The following FXR1 variants were observed in gnomAD, a reference collection of about 807,000 sequenced individuals.
FXR1 encodes RNA-binding protein FXR1.
FXR1 carries 15 observed loss-of-function variants against 84.0 expected under a neutral mutation model. The ratio of observed to expected loss-of-function variants is 0.18; its 90% CI spans 0.12 to 0.27. The LOEUF (loss-of-function observed/expected upper bound fraction) is 0.27. Ranked by LOEUF, FXR1 falls within the 10% of genes least tolerant of loss-of-function variation. The pLI, the probability that FXR1 is intolerant of heterozygous loss-of-function variation, is 1.00. For synonymous variants in FXR1, 245 were observed against 250.7 expected, an observed-to-expected ratio of 0.98 and a Z score of 0.21; for missense variants, 480 against 774.4, an observed-to-expected ratio of 0.62 and a Z score of 4.51.
intron 1 of FXR1, among the ~76,000 whole-genome samples, chr3:180,924,694 G>A (rs1356413961): frequency 6.6e-6 from 1 of 151,846 alleles, no homozygotes; most frequent in East Asian, 2.0e-4. Flanking sequence ...GTTTCACCAT[G>A]TTGGCCAGGT....
At chr3:180,925,818 A>G (rs1719107624) in intron 1 of FXR1, among the ~76,000 whole-genome samples, 2 of 152,206 alleles carry the variant, frequency 1.3e-5, no homozygotes, top group South Asian at 2.1e-4. Flanking sequence ...TTCTTGGGGA[A>G]GAAAAAACCC....
intron 2 of FXR1, among the ~76,000 whole-genome samples, chr3:180,934,140 A>G (rs2108445126): frequency 6.6e-6 from 1 of 152,296 alleles, no homozygotes; most frequent in South Asian, 2.1e-4. Context: ...ATTGATGGTC[A>G]GAAAAAAACT....
chr3:180,965,260 T>G (rs185176625), intron 13 of FXR1, among the ~76,000 whole-genome samples: 2 of 152,124 alleles, frequency 1.3e-5, no homozygotes, highest in Non-Finnish European at 2.9e-5. Context: ...AGGTGATCTG[T>G]CTACCTCGCC....
intron 1 of FXR1, among the ~76,000 whole-genome samples, chr3:180,931,037 A>AAAAAAAAAAAAAAAAG (rs1719834204): frequency 6.6e-6 from 1 of 150,758 alleles, no homozygotes; most frequent in African/African-American, 2.4e-5. Flanking sequence ...AAAAAAAAAA[A>AAAAAAAAAAAAAAAAG]AAAAAAAAAA....
intron 3 of FXR1, among the ~76,000 whole-genome samples, chr3:180,946,579 A>C (rs1721716952): frequency 6.6e-6 from 1 of 152,214 alleles, no homozygotes; most frequent in Non-Finnish European, 1.5e-5. Flanking sequence ...GCTAAAATTG[A>C]GTTTAACGGA....
At chr3:180,931,692 G>A (rs1399845735) in intron 1 of FXR1, among the ~76,000 whole-genome samples, 1 of 149,044 alleles carries the variant, frequency 6.7e-6, no homozygotes, top group East Asian at 2.0e-4. Flanking sequence ...AATTTGCTTA[G>A]AAAAATGTCT....
At chr3:180,934,235 A>C (rs748531964) in intron 2 of FXR1, among the ~76,000 whole-genome samples, 2 of 152,224 alleles carry the variant, frequency 1.3e-5, no homozygotes, top group Non-Finnish European at 2.9e-5. Flanking sequence ...ACAAGTGTTG[A>C]GATGATTTCT....
In FXR1 at chr3:180,954,725, A is replaced by G. The variant is rs545444217; in HGVS notation, c.880+885A>G. ...TCTCTCATTATTTTTTTTTGACGCTAGGGAAATACTTTCAGCTTCTTGGGT... is the reference window on the plus strand; with the variant it reads ...TCTCTCATTATTTTTTTTTGACGCTGGGGAAATACTTTCAGCTTCTTGGGT... On this transcript the variant is annotated intron_variant, in intron 9 of 16. Coordinates refer to ENST00000357559, the MANE Select transcript of FXR1 (RefSeq NM_005087.4). 9.9e-5 allele frequency among the ~76,000 whole-genome samples: 15 copies of G among 152,200 alleles called. No individual in the cohort carries two copies. In the South Asian group the frequency reaches 1.7e-3, roughly 17 times the overall value.
At chr3:180,926,505 TA>T (rs201748441) in intron 1 of FXR1, among the ~76,000 whole-genome samples, 4,880 of 104,310 alleles carry the variant, frequency 0.047, 125 homozygotes, top group Admixed American at 0.06. Flanking sequence ...TATATATATA[TA>T]TTTTTTTTTC....
intron 1 of FXR1, 160 bp from the exon 2 acceptor site, chr3:180,933,172 ATG>A (rs1358339645): frequency 7.3e-5 from 42 of 572,656 alleles, no homozygotes; most frequent in East Asian, 6.7e-4. Flanking sequence ...TTAAAAGATC[ATG>A]TGTCTCATAA....
intron 1 of FXR1, among the ~76,000 whole-genome samples, chr3:180,926,506 A>ATATATATATATATATATT (rs72192827): frequency 3.2e-5 from 4 of 124,394 alleles, no homozygotes; most frequent in Non-Finnish European, 6.9e-5. Flanking sequence ...ATATATATAT[A>ATATATATATATATATATT]TTTTTTTTTC....
At chr3:180,943,548 T>TGG (rs1253100508) in intron 3 of FXR1, among the ~76,000 whole-genome samples, 1 of 152,176 alleles carries the variant, frequency 6.6e-6, no homozygotes, top group East Asian at 1.9e-4. Context: ...ATTACAGGTG[T>TGG]GGGCTGTGCA....
In FXR1 at chr3:180,923,599, ATTACT is replaced by A. The variant is rs149822454; in HGVS notation, c.52-9728_52-9724del. ...AGAAACTTTATTATGAATCTTTTAA[ATTACT>A]TTACTTATCATAAAAGCTCCAGGAA... On this transcript the variant is annotated intron_variant, in intron 1 of 16. Transcript: ENST00000357559. Among the ~76,000 whole-genome samples, 1,273 of 152,204 alleles carry A rather than the reference ATTACT, an allele frequency of 8.4e-3. 22 individuals are homozygous for A. Among genetic ancestry groups the A allele is most frequent in the African/African-American group, 0.029 (1,216 of 41,506 alleles).
chr3:180,955,630 A>G (rs1270613134), intron 9 of FXR1, among the ~76,000 whole-genome samples: 1 of 152,158 alleles, frequency 6.6e-6, no homozygotes, highest in African/African-American at 2.4e-5. Flanking sequence ...TGCTCTACAG[A>G]TGTAATTTTG....
At chr3:180,974,600 A>T (rs1054488272) in intron 15 of FXR1, among the ~76,000 whole-genome samples, 1 of 152,160 alleles carries the variant, frequency 6.6e-6, no homozygotes, top group Non-Finnish European at 1.5e-5. Context: ...ACTTCTTTGC[A>T]AATACACATT....
chr3:180,926,506 A>ATATATATATATATATATATTTTTTTTTT (rs72192827), intron 1 of FXR1, among the ~76,000 whole-genome samples: 1 of 124,392 alleles, frequency 8.0e-6, no homozygotes, highest in African/African-American at 2.9e-5. Flanking sequence ...ATATATATAT[A>ATATATATATATATATATATTTTTTTTTT]TTTTTTTTTC....
chr3:180,963,511 C>G (rs771339692), intron 13 of FXR1, among the ~76,000 whole-genome samples: 3 of 152,142 alleles, frequency 2.0e-5, no homozygotes, highest in Non-Finnish European at 4.4e-5. Context: ...GTGCGAATCA[C>G]TGCCAAGATT....
rs1422374194 is a variant in FXR1, at chr3:180,962,944, T to G, written c.1135+4T>G. ...GATGAACAGCTGCGACAGATTGGTA[T>G]GGGTTTCAGACCTTCTTCCACCAGA... On this transcript the variant is annotated splice_donor_region_variant and intron_variant, in intron 12 of 16. Coordinates refer to ENST00000357559, the MANE Select transcript of FXR1 (RefSeq NM_005087.4). The G allele has an allele frequency of 6.2e-7, 1 of 1,613,144 alleles. No individual in the cohort carries two copies. Among genetic ancestry groups the G allele is most frequent in the Non-Finnish European group, 8.5e-7 (1 of 1,179,122 alleles).
At chr3:180,974,155 C>G (rs1294088370) in intron 15 of FXR1, among the ~76,000 whole-genome samples, 1 of 108,854 alleles carries the variant, frequency 9.2e-6, no homozygotes, top group African/African-American at 3.2e-5. Flanking sequence ...TTCTAAGTTT[C>G]AATTCTTTTT....
Sources: allele counts gnomAD v4.1 joint callset (sites outside exome capture counted in the v4.1 genomes callset), GRCh38; gene constraint gnomAD v4.1.1; transcripts MANE v1.5; gene names NCBI Gene and HGNC (gene_info 2026-07-23, HGNC 2026-07-21).